APP: variants seen among roughly 807,000 people sequenced by gnomAD.
The protein encoded by APP is amyloid-beta precursor protein.
APP carries 31 observed loss-of-function variants against 101.4 expected under a neutral mutation model. That is an observed-to-expected ratio of 0.31 (90% CI 0.23 to 0.41). The LOEUF (loss-of-function observed/expected upper bound fraction) is 0.41. Among genes scored for constraint, APP ranks in the 10% least tolerant of loss-of-function variants. The probability of loss-of-function intolerance (pLI) is 1.00; values close to 1 mark genes in which losing one functional copy is unlikely to be tolerated. For missense variants in APP, 839 were observed against 1,003.7 expected, an observed-to-expected ratio of 0.84 and a Z score of 2.22; for synonymous variants, 366 against 364.4, an observed-to-expected ratio of 1.00 and a Z score of -0.05.
At chr21:25,989,893 CTTA>C (rs1234017487) in intron 8 of APP, among the ~76,000 whole-genome samples, 1 of 150,128 alleles carries the variant, frequency 6.7e-6, no homozygotes, top group Non-Finnish European at 1.5e-5. Context: ...GAGTGCCATG[CTTA>C]TTATAACTTA....
intron 11 of APP, among the ~76,000 whole-genome samples, chr21:25,966,616 T>C (rs1243634143): frequency 1.3e-4 from 20 of 152,324 alleles, no homozygotes; most frequent in Admixed American, 9.8e-4. Context: ...ATCAGTTACA[T>C]TGAGGTACAG....
chr21:25,886,472 C>A (rs1049677554), intron 17 of APP, among the ~76,000 whole-genome samples: 1 of 151,968 alleles, frequency 6.6e-6, no homozygotes, highest in African/African-American at 2.4e-5. Flanking sequence ...TGGCTCACTG[C>A]AGCCTCCATC....
intron 5 of APP, among the ~76,000 whole-genome samples, chr21:26,040,368 G>A (rs2045317976): frequency 1.3e-5 from 2 of 152,122 alleles, no homozygotes; most frequent in Admixed American, 6.5e-5. Flanking sequence ...TTGGGAGGCC[G>A]AGGCCAGTGG....
intron 1 of APP, among the ~76,000 whole-genome samples, chr21:26,130,717 G>T (rs1021021097): frequency 6.6e-6 from 1 of 152,150 alleles, no homozygotes; most frequent in African/African-American, 2.4e-5. Flanking sequence ...TTCTAGATGC[G>T]TCAGGTCTGG....
At chr21:25,901,953 T>C (rs1275885811) in intron 15 of APP, among the ~76,000 whole-genome samples, 1 of 152,216 alleles carries the variant, frequency 6.6e-6, no homozygotes. Flanking sequence ...TTTTTTATTC[T>C]GGTCAAACTG....
chr21:26,031,431 T>C (rs1312610726), intron 5 of APP, among the ~76,000 whole-genome samples: 1 of 152,184 alleles, frequency 6.6e-6, no homozygotes, highest in African/African-American at 2.4e-5. Context: ...TCTGTTTTCA[T>C]GCTGCTGATA....
rs1229934135 is a variant in APP, at chr21:26,112,260, G to A, written c.58-114C>T. Reference sequence around the variant, plus strand: ...TCTATTCTTGCTCATTCTCAATTAGGAATCAGCCCGGTCTTCAACACTCCT... The same window carrying A: ...TCTATTCTTGCTCATTCTCAATTAGAAATCAGCCCGGTCTTCAACACTCCT... On this transcript the variant is annotated intron_variant, in intron 1 of 17. Coordinates refer to ENST00000346798, the MANE Select transcript of APP (RefSeq NM_000484.4). 2.8e-5 allele frequency: 32 copies of A among 1,130,534 alleles called. No individual in the cohort carries two copies. The East Asian group carries it at 7.4e-4, about 26-fold the overall frequency. The allele number at this position is 1,130,534 out of a possible 1,614,324, so 70.0% of individuals were successfully genotyped here. A position where few individuals can be genotyped will look rare whatever the true frequency, so the allele number is the denominator to read the frequency against.
At chr21:25,967,810 G>A (rs780844449) in intron 11 of APP, among the ~76,000 whole-genome samples, 1 of 152,186 alleles carries the variant, frequency 6.6e-6, no homozygotes, top group African/African-American at 2.4e-5. Context: ...AGCAGGAAGT[G>A]CATGACTGTA....
At chr21:26,117,874 G>A (rs1025829768) in intron 1 of APP, among the ~76,000 whole-genome samples, 6 of 152,164 alleles carry the variant, frequency 3.9e-5, no homozygotes, top group South Asian at 4.1e-4. Context: ...CCATGAAAGC[G>A]AATAGGAGAA....
At chr21:25,936,006 C>T (rs183284843) in intron 13 of APP, among the ~76,000 whole-genome samples, 12 of 152,208 alleles carry the variant, frequency 7.9e-5, no homozygotes, top group Admixed American at 3.9e-4. Context: ...ATAATACCTT[C>T]CATGCCTCCC....
intron 2 of APP, among the ~76,000 whole-genome samples, chr21:26,107,741 T>A: frequency 6.6e-6 from 1 of 152,238 alleles, no homozygotes; most frequent in Admixed American, 6.5e-5. Flanking sequence ...CCTTTGTGAA[T>A]GCTCAATGCT....
intron 5 of APP, among the ~76,000 whole-genome samples, chr21:26,040,399 C>T (rs1601296167): frequency 6.6e-6 from 1 of 151,970 alleles, no homozygotes; most frequent in Non-Finnish European, 1.5e-5. Context: ...GTCAGGAATT[C>T]GAGACCAGCC....
chr21:25,892,573 T>G (rs2037768489), intron 16 of APP, among the ~76,000 whole-genome samples: 1 of 152,216 alleles, frequency 6.6e-6, no homozygotes. Flanking sequence ...AACAAGAATT[T>G]TAAGTCACTC....
chr21:26,140,321 CGGGAGGGTGAGTCA>C, intron 1 of APP: 1 of 1,527,558 alleles, frequency 6.5e-7, no homozygotes, highest in Non-Finnish European at 8.8e-7. Context: ...CTTCCATCCT[CGGGAGGGTGAGTCA>C]ACAGCATGTC....
intron 7 of APP, among the ~76,000 whole-genome samples, chr21:25,998,960 A>C (rs1286766544): frequency 1.3e-5 from 2 of 152,204 alleles, no homozygotes; most frequent in East Asian, 3.8e-4. Flanking sequence ...ATCCCCCGGA[A>C]TTATGAAAAG....
chr21:26,102,015 AGAATT>A (rs1170534064), intron 2 of APP, among the ~76,000 whole-genome samples: 1 of 151,882 alleles, frequency 6.6e-6, no homozygotes, highest in African/African-American at 2.4e-5. Context: ...CTTGAGATGT[AGAATT>A]GAAGTACACT....
intron 2 of APP, 116 bp downstream of exon 2, chr21:26,111,863 G>C: frequency 9.4e-7 from 1 of 1,068,648 alleles, no homozygotes; most frequent in South Asian, 1.3e-5. Context: ...GAATCATTAG[G>C]AACCAAGATT....
chr21:25,956,066 C>T (rs188146926), intron 11 of APP, among the ~76,000 whole-genome samples: 2 of 152,284 alleles, frequency 1.3e-5, no homozygotes, highest in East Asian at 3.9e-4. Context: ...TGAGGTCTGT[C>T]AGGTTAAGTT....
intron 5 of APP, among the ~76,000 whole-genome samples, chr21:26,042,737 TA>T (rs1180311460): frequency 7.6e-6 from 1 of 131,854 alleles, no homozygotes; most frequent in Non-Finnish European, 1.7e-5. Context: ...CCCCTGTCTC[TA>T]CAAAAAAAAT....
Sources: allele counts gnomAD v4.1 joint callset (sites outside exome capture counted in the v4.1 genomes callset), GRCh38; gene constraint gnomAD v4.1.1; transcripts MANE v1.5; gene names NCBI Gene and HGNC (gene_info 2026-07-23, HGNC 2026-07-21).